Variants in HMOX2 observed in about 807,000 individuals in gnomAD.
HMOX2 encodes the protein heme oxygenase (decycling) 2.
Under a neutral mutation model 33.7 loss-of-function variants are expected in HMOX2, and 30 were observed. That is an observed-to-expected ratio of 0.89 (90% CI 0.67 to 1.21). The LOEUF is 1.21. Among genes scored for constraint, HMOX2 ranks in the 50% most tolerant of loss-of-function variants. The pLI, the probability that HMOX2 is intolerant of heterozygous loss-of-function variation, is 0.00. For missense variants in HMOX2, 403 were observed against 399.1 expected (o/e 1.01, Z -0.08); for synonymous variants, 155 against 155.0 (o/e 1.00, Z 0.00).
chr16:4,492,903 G>A (rs1054827424), intron 1 of HMOX2, among the ~76,000 whole-genome samples: 2 of 152,144 alleles, frequency 1.3e-5, no homozygotes, highest in African/African-American at 2.4e-5. Flanking sequence ...TGGGTGTGTT[G>A]GCACATGCCT....
In HMOX2 at chr16:4,509,896, TG is replaced by T; in HGVS notation, c.*141del. On this transcript the variant is annotated 3_prime_UTR_variant, in exon 6 of 6. Transcript: ENST00000570646. The stretch of plus-strand genomic sequence containing the variant: ...AGAAAGGCAACCAATAAAAGCCAGA[TG>T]CTAGAGCCTCTGCCTGACAGCATCC... 3 of 893,202 alleles carry T rather than the reference TG, an allele frequency of 3.4e-6. No homozygotes were observed. Among genetic ancestry groups the T allele is most frequent in the South Asian group, 3.4e-5 (2 of 58,574 alleles). 55.3% of individuals were successfully genotyped at this position (893,202 alleles called of 1,614,324 possible).
intron 1 of HMOX2, among the ~76,000 whole-genome samples, chr16:4,491,615 G>A (rs1485923638): frequency 6.6e-6 from 1 of 152,040 alleles, no homozygotes; most frequent in East Asian, 1.9e-4. Context: ...TTATGCCACT[G>A]CGCTCCAGCC....
chr16:4,488,092 C>T (rs1457355532), intron 1 of HMOX2, among the ~76,000 whole-genome samples: 2 of 142,522 alleles, frequency 1.4e-5, no homozygotes, highest in Non-Finnish European at 3.0e-5. Flanking sequence ...CATTGCACTC[C>T]ATTGTTTCGC....
intron 1 of HMOX2, among the ~76,000 whole-genome samples, chr16:4,490,078 C>T (rs901570103): frequency 3.3e-5 from 5 of 152,142 alleles, no homozygotes; most frequent in African/African-American, 1.2e-4. Context: ...GACCTGTAAT[C>T]TGGAAAACAA....
chr16:4,475,294 GTTTT>G (rs957453921), upstream of HMOX2, among the ~76,000 whole-genome samples: 3 of 149,506 alleles, frequency 2.0e-5, no homozygotes, highest in African/African-American at 4.9e-5. Flanking sequence ...ACTGATTTCA[GTTTT>G]TTTTTGTTTT....
chr16:4,509,681 G>A lies in HMOX2; in HGVS notation c.876G>A (p.Arg292=), dbSNP rs774963781. 1 of 1,614,018 alleles carries A rather than the reference G, an allele frequency of 6.2e-7. No individual in the cohort carries two copies. The highest frequency in any genetic ancestry group is 1.1e-5 in the South Asian group (1 of 91,076). ...CPFRTAMAVL[R]KPSLQFILAA... ...TCCGAACAGCTATGGCTGTGCTGAG[G>A]AAGCCCAGCCTCCAGTTCATCCTGG... Residue 292 remains arginine (R), a synonymous_variant, in exon 6 of 6, where the codon AGG becomes AGA. Coordinates refer to ENST00000570646, the MANE Select transcript of HMOX2 (RefSeq NM_002134.4).
intron 1 of HMOX2, among the ~76,000 whole-genome samples, chr16:4,478,357 C>CTT (rs2057926502): frequency 6.6e-6 from 1 of 152,114 alleles, no homozygotes; most frequent in Non-Finnish European, 1.5e-5. Flanking sequence ...TTTTGGTTTC[C>CTT]TTTTAACAGC....
chr16:4,487,364 A>G (rs1384881558), intron 1 of HMOX2, among the ~76,000 whole-genome samples: 4 of 151,972 alleles, frequency 2.6e-5, no homozygotes, highest in Admixed American at 2.6e-4. Context: ...GACCAGCCTG[A>G]CCTCTAAAAC....
chr16:4,495,777 A>G (rs1211777107), intron 1 of HMOX2: 1 of 152,244 alleles, frequency 6.6e-6, no homozygotes, highest in Non-Finnish European at 1.5e-5. Flanking sequence ...TTCAGTTACT[A>G]TGGCAGTGGG....
At position 4,498,223 on chromosome 16, in the gene HMOX2, C is replaced by T. The variant is rs546208022; in HGVS notation, c.-41-7261C>T. Among the ~76,000 whole-genome samples the T allele has an allele frequency of 9.9e-5, 15 of 151,994 alleles. No individual in the cohort carries two copies. In the South Asian group the frequency reaches 3.1e-3, roughly 32 times the overall value. Reference sequence around the variant, plus strand: ...GGGATTAGAGTCACACACCACCACACCTGGCTAATTTTTTTATATTTTTAG... The same window carrying T: ...GGGATTAGAGTCACACACCACCACATCTGGCTAATTTTTTTATATTTTTAG... On this transcript the variant is annotated intron_variant, in intron 1 of 5. Coordinates refer to ENST00000570646, the MANE Select transcript of HMOX2 (RefSeq NM_002134.4).
intron 1 of HMOX2, among the ~76,000 whole-genome samples, chr16:4,495,156 A>G (rs2058389091): frequency 6.6e-6 from 1 of 152,184 alleles, no homozygotes; most frequent in Admixed American, 6.5e-5. Context: ...TTCATGTGCA[A>G]ATCAGGCCCT....
chr16:4,481,360 A>G (rs907935570), intron 1 of HMOX2, among the ~76,000 whole-genome samples: 2 of 151,918 alleles, frequency 1.3e-5, no homozygotes, highest in Non-Finnish European at 2.9e-5. Context: ...AAAAAAAAAA[A>G]AAAAAGAAAA....
chr16:4,500,571 A>G (rs573317542), intron 1 of HMOX2, among the ~76,000 whole-genome samples: 1 of 152,302 alleles, frequency 6.6e-6, no homozygotes, highest in Non-Finnish European at 1.5e-5. Flanking sequence ...AGGTTTCTCC[A>G]GGGCAAAGAA....
chr16:4,479,598 T>C (rs1008616091), intron 1 of HMOX2: 1 of 152,144 alleles, frequency 6.6e-6, no homozygotes, highest in African/African-American at 2.4e-5. Context: ...CACAGATAGA[T>C]TCGTTTCCTT....
intron 1 of HMOX2, among the ~76,000 whole-genome samples, chr16:4,484,446 GTTTCT>G (rs774364320): frequency 0.016 from 2,336 of 146,154 alleles, 30 homozygotes; most frequent in Non-Finnish European, 0.026. Context: ...GGATGCTCAA[GTTTCT>G]TTTCTTTTCT....
rs920228649 is a variant in HMOX2, at chr16:4,504,450, T to A, written c.-41-1034T>A. ...ATCTTGGCTCACTGCAACTTCTGCT[T>A]CGTAGGTTCAAGTGATTCTCCTGCC... On this transcript the variant is annotated intron_variant, in intron 1 of 5. Transcript: ENST00000570646. Among the ~76,000 whole-genome samples the A allele has an allele frequency of 2.0e-5, 3 of 149,362 alleles. No individual in the cohort carries two copies. The Admixed American group carries it at 2.0e-4, about 10-fold the overall frequency.
At position 4,478,605 on chromosome 16, in the gene HMOX2, T is replaced by A. The variant is rs528323464; in HGVS notation, c.-42+2118T>A. ...ATCTCTACTAAGAAAAAAATAATAATAATACAAAAATTAGCTGGGCATGGT... is the reference window on the plus strand; with the variant it reads ...ATCTCTACTAAGAAAAAAATAATAAAAATACAAAAATTAGCTGGGCATGGT... On this transcript the variant is annotated intron_variant, in intron 1 of 5. Transcript: ENST00000570646. 2.0e-5 allele frequency among the ~76,000 whole-genome samples: 3 copies of A among 150,410 alleles called. No individual in the cohort carries two copies. The South Asian group carries it at 6.3e-4, about 32-fold the overall frequency.
chr16:4,475,160 C>G (rs2057782439), upstream of HMOX2, among the ~76,000 whole-genome samples: 1 of 151,600 alleles, frequency 6.6e-6, no homozygotes, highest in African/African-American at 2.4e-5. Flanking sequence ...ACCAGGTTGA[C>G]CAGGCAGGTC....
At chr16:4,481,518 CAG>C (rs1270642796) in intron 1 of HMOX2, among the ~76,000 whole-genome samples, 2 of 152,032 alleles carry the variant, frequency 1.3e-5, no homozygotes, top group African/African-American at 4.8e-5. Context: ...TTGGGTGGAA[CAG>C]GGTATTTGAA....
Sources: allele counts gnomAD v4.1 joint callset (sites outside exome capture counted in the v4.1 genomes callset), GRCh38; gene constraint gnomAD v4.1.1; transcripts MANE v1.5; gene names NCBI Gene and HGNC (gene_info 2026-07-23, HGNC 2026-07-21).